DOK7: variants seen among roughly 807,000 people sequenced by gnomAD.
The protein encoded by DOK7 is docking protein 7.
DOK7 carries 32 observed loss-of-function variants against 30.7 expected under a neutral mutation model. The observed-to-expected ratio is 1.04, with a 90% CI of 0.79 to 1.40. The LOEUF (loss-of-function observed/expected upper bound fraction) is 1.40, where lower values mean the gene tolerates loss of function less well. Among genes scored for constraint, DOK7 ranks in the 40% most tolerant of loss-of-function variants. DOK7 has a pLI of 0.00. For missense variants in DOK7, 1,007 were observed against 699.2 expected, an observed-to-expected ratio of 1.44 and a Z score of -4.97; for synonymous variants, 447 against 324.1, an observed-to-expected ratio of 1.38 and a Z score of -4.07.
Position 3,500,390 on chromosome 4 carries a change from C to T in DOK7, c.1248C>T (p.Ser416=), listed in dbSNP as rs780810193. 1.2e-5 allele frequency: 18 copies of T among 1,535,738 alleles called. No individual in the cohort carries two copies. The East Asian group carries it at 1.2e-4, about 10-fold the overall frequency. Residue 416 remains serine (S), a synonymous_variant, in exon 7 of 8, where the codon AGC becomes AGT. Coordinates refer to the DOK7 transcript ENST00000643608. ...TGGGCCTGGAGCTCCAGGAGGCCAG[C>T]GAGGGTGTCCGAGGTGGGTCCCCGC...
intron 4 of DOK7, chr4:3,484,408 A>C: frequency 3.8e-6 from 3 of 798,446 alleles, no homozygotes; most frequent in Non-Finnish European, 4.5e-6. Flanking sequence ...CCTTCCCCCC[A>C]ACTCCTGCCC....
chr4:3,476,303 T>G, intron 3 of DOK7, 39 bp from the exon 4 acceptor site: 2 of 718,758 alleles, frequency 2.8e-6, no homozygotes, highest in East Asian at 5.4e-5. Context: ...CCTCTCACCC[T>G]GCCCGCCCGT....
intron 2 of DOK7, among the ~76,000 whole-genome samples, chr4:3,466,011 C>T (rs887205626): frequency 6.6e-6 from 1 of 152,150 alleles, no homozygotes; most frequent in Admixed American, 6.5e-5. Flanking sequence ...CTTGAGGGGG[C>T]CTGCTTCCCA....
At chr4:3,476,643 T>C (rs1577153462) in intron 4 of DOK7, 101 bp downstream of exon 4, 2 of 1,486,252 alleles carry the variant, frequency 1.3e-6, no homozygotes, top group Non-Finnish European at 1.9e-6. Flanking sequence ...CAGGCTGGCC[T>C]GCTGGCATTT....
rs201818140 is a variant in DOK7 at position 3,473,466 on chromosome 4, G to T, written c.161G>T (p.Arg54Leu). Reference sequence around the variant, plus strand: ...GAGCGTATCAAGGGCCTGCGGGAGCGCAGCAGCCTGACGCTAGAGGACATC... The same window carrying T: ...GAGCGTATCAAGGGCCTGCGGGAGCTCAGCAGCCTGACGCTAGAGGACATC... ...KSERIKGLRE[R>L]SSLTLEDICG... Residue 54 changes from arginine (R) to leucine (L), a missense_variant, in exon 3 of 7, where the codon CGC (arginine) becomes CTC (leucine). Transcript: ENST00000340083. The T allele has an allele frequency of 1.1e-5, 18 of 1,610,962 alleles. No homozygotes were observed. In the East Asian group the frequency reaches 1.6e-4, roughly 14 times the overall value.
At chr4:3,484,594 C>T (rs866592952) in intron 4 of DOK7, 8 of 985,250 alleles carry the variant, frequency 8.1e-6, no homozygotes, top group Middle Eastern at 1.0e-3. Flanking sequence ...AGGGCAGCGC[C>T]CCCGTGACTC....
downstream of DOK7, chr4:3,497,012 T>G (rs945054214): frequency 2.8e-5 from 20 of 712,878 alleles, no homozygotes; most frequent in South Asian, 3.6e-5. Context: ...GTGGTGAAAG[T>G]GGTTGTTGGC....
intron 6 of DOK7, 119 bp from the exon 7 acceptor site, chr4:3,492,640 C>G: frequency 3.5e-6 from 5 of 1,420,268 alleles, no homozygotes; most frequent in Non-Finnish European, 4.8e-6. Flanking sequence ...GGCTTGGGGG[C>G]TGGAAGGGGT....
Position 3,492,980 on chromosome 4 carries a change from C to A in DOK7, c.994C>A (p.Arg332Ser). The change falls in exon 7 of 7, where the codon CGC (arginine) becomes AGC (serine). Residue 332 changes from arginine (R) to serine (S), a missense_variant. Physicochemically the swap from Arg to Ser is moderately radical, Grantham distance 110. Coordinates refer to ENST00000340083, the MANE Select transcript of DOK7 (RefSeq NM_173660.5). ...LRPRQLQEVG[R>S]QSSSDSGIAT... ...TCCGCGGCAGCTGCAGGAGGTTGGC[C>A]GCCAGAGCTCCTCGGACAGCGGCAT... is the stretch of plus-strand genomic sequence containing the variant. The A allele has an allele frequency of 6.4e-7, 1 of 1,554,766 alleles. No homozygotes were observed. Among genetic ancestry groups the A allele is most frequent in the Non-Finnish European group, 8.7e-7 (1 of 1,153,676 alleles).
In DOK7 at chr4:3,476,505, C is replaced by T. The variant is rs1405222108; in HGVS notation, c.495C>T (p.Ser165=). The T allele has an allele frequency of 1.3e-5, 21 of 1,613,726 alleles. No homozygotes were observed. The highest frequency in any genetic ancestry group is 1.5e-5 in the Non-Finnish European group (18 of 1,180,022). ...TCCGGCGCTACGGGGCCGTGCCAAG[C>T]GGATTCATCTTTGAAGGCGGGACCA... is the stretch of plus-strand genomic sequence containing the variant. ...SDLRRYGAVP[S]GFIFEGGTRC... The change falls in exon 4 of 7, where the codon AGC becomes AGT. Residue 165 remains serine, a synonymous_variant. Coordinates refer to ENST00000340083, the MANE Select transcript of DOK7 (RefSeq NM_173660.5).
intron 2 of DOK7, among the ~76,000 whole-genome samples, chr4:3,469,156 AGT>A (rs1181032870): frequency 1.4e-5 from 2 of 139,512 alleles, no homozygotes; most frequent in Non-Finnish European, 3.1e-5. Context: ...TCTGTGTATG[AGT>A]GTGCATGTGT....
chr4:3,469,392 AG>A (rs1726616991), intron 2 of DOK7, among the ~76,000 whole-genome samples: 1 of 149,976 alleles, frequency 6.7e-6, no homozygotes, highest in Non-Finnish European at 1.5e-5. Flanking sequence ...TTCCCTGGCC[AG>A]GTTGCAGCCA....
At chr4:3,475,111 G>A (rs1726987439) in intron 3 of DOK7, among the ~76,000 whole-genome samples, 1 of 152,226 alleles carries the variant, frequency 6.6e-6, no homozygotes, top group African/African-American at 2.4e-5. Flanking sequence ...AGAAGCTGGG[G>A]GCTTAGTGGG....
intron 4 of DOK7, among the ~76,000 whole-genome samples, chr4:3,479,055 G>A (rs981536903): frequency 2.6e-5 from 4 of 152,190 alleles, no homozygotes; most frequent in African/African-American, 4.8e-5. Context: ...TGTCCAGAAC[G>A]GGTTCCTTCT....
downstream of DOK7, chr4:3,496,862 G>A (rs758493661): frequency 9.8e-6 from 15 of 1,535,418 alleles, no homozygotes; most frequent in Middle Eastern, 3.3e-4. Flanking sequence ...AGCACATTCA[G>A]GTAGGCACCT....
At position 3,473,445 on chromosome 4, in the gene DOK7, G is replaced by C. The variant is rs746356153; in HGVS notation, c.140G>C (p.Arg47Pro). ...LMLVYKDKSE[R>P]IKGLRERSSL... Reference sequence around the variant, plus strand: ...CTGGTCTACAAGGACAAGTCGGAGCGTATCAAGGGCCTGCGGGAGCGCAGC... The same window carrying C: ...CTGGTCTACAAGGACAAGTCGGAGCCTATCAAGGGCCTGCGGGAGCGCAGC... Residue 47 changes from arginine (R) to proline (P), a missense_variant, in exon 3 of 7, where the codon CGT becomes CCT. Coordinates refer to ENST00000340083, the MANE Select transcript of DOK7 (RefSeq NM_173660.5). The C allele has an allele frequency of 6.2e-7, 1 of 1,611,030 alleles. No individual in the cohort carries two copies. The highest frequency in any genetic ancestry group is 8.5e-7 in the Non-Finnish European group (1 of 1,179,780).
At chr4:3,500,142 G>A (rs1297720167) in intron 6 of DOK7, 26 of 1,313,242 alleles carry the variant, frequency 2.0e-5, no homozygotes, top group Admixed American at 6.8e-5. Context: ...CAGGAGAGGC[G>A]GAGTGGGGAG....
chr4:3,468,564 G>A (rs968323546), intron 2 of DOK7, among the ~76,000 whole-genome samples: 1 of 151,382 alleles, frequency 6.6e-6, no homozygotes, highest in African/African-American at 2.4e-5. Context: ...GTGTGAGCAT[G>A]TATGAATGTG....
At chr4:3,483,881 C>T (rs918570869) in intron 4 of DOK7, among the ~76,000 whole-genome samples, 3 of 152,206 alleles carry the variant, frequency 2.0e-5, no homozygotes, top group Non-Finnish European at 4.4e-5. Flanking sequence ...GGTGCAGGCT[C>T]TCTTCTGCCC....
Sources: gnomAD v4.1 joint callset for allele counts (sites outside exome capture counted in the v4.1 genomes callset) on GRCh38, gnomAD v4.1.1 for gene constraint, MANE v1.5 for transcripts, NCBI Gene and HGNC (gene_info 2026-07-23, HGNC 2026-07-21) for gene names.